ADCY2: variants seen among roughly 807,000 people sequenced by gnomAD.
The protein encoded by ADCY2 is adenylate cyclase 2.
Under a neutral mutation model 125.2 loss-of-function variants are expected in ADCY2, and 31 were observed. The observed-to-expected ratio is 0.25, with a 90% CI of 0.19 to 0.33. The LOEUF (loss-of-function observed/expected upper bound fraction) is 0.33. Ranked by LOEUF, ADCY2 falls within the 10% of genes least tolerant of loss-of-function variation. The probability of loss-of-function intolerance (pLI) is 1.00; values close to 1 mark genes in which losing one functional copy is unlikely to be tolerated. For missense variants in ADCY2, 904 were observed against 1,418.2 expected (o/e 0.64, Z 5.82); for synonymous variants, 512 against 548.4 (o/e 0.93, Z 0.93).
At chr5:7,464,979 T>C (rs1010606165) in intron 2 of ADCY2, among the ~76,000 whole-genome samples, 7 of 152,124 alleles carry the variant, frequency 4.6e-5, no homozygotes, top group Non-Finnish European at 1.0e-4. Context: ...GCAAAAGGCA[T>C]GTCTTACATG....
At position 7,651,452 on chromosome 5, in the gene ADCY2, G is replaced by A. The variant is rs571619091; in HGVS notation, c.720+25136G>A. ...AGGGAGGCCAACTGTGCAGCCTTCA[G>A]TCTGTGGTTGAAAGTCCAAGAGAAC... On this transcript the variant is annotated intron_variant, in intron 4 of 24. Transcript: ENST00000338316. Among the ~76,000 whole-genome samples, 37 of 152,308 alleles carry A rather than the reference G, an allele frequency of 2.4e-4. 2 individuals are homozygous for A. In the South Asian group the frequency reaches 7.5e-3, roughly 31 times the overall value.
At chr5:7,657,424 A>G (rs2914296) in intron 4 of ADCY2, among the ~76,000 whole-genome samples, 21,533 of 152,154 alleles carry the variant, frequency 0.14, 2,006 homozygotes, top group East Asian at 0.44. Flanking sequence ...AAACATGGGA[A>G]TAAATATGTG....
intron 2 of ADCY2, among the ~76,000 whole-genome samples, chr5:7,448,035 G>A (rs985051438): frequency 1.3e-5 from 2 of 152,216 alleles, no homozygotes; most frequent in African/African-American, 2.4e-5. Context: ...AAATATCTTG[G>A]CACAAGCACC....
intron 2 of ADCY2, among the ~76,000 whole-genome samples, chr5:7,499,681 A>G (rs528817821): frequency 4.8e-5 from 6 of 124,086 alleles, no homozygotes; most frequent in East Asian, 4.8e-4. Context: ...ATATATATAT[A>G]TGTATATATA....
At chr5:7,726,294 C>T (rs1330210488) in intron 13 of ADCY2, among the ~76,000 whole-genome samples, 1 of 152,140 alleles carries the variant, frequency 6.6e-6, no homozygotes, top group African/African-American at 2.4e-5. Context: ...GGTGAAGGTC[C>T]TGGTTTCCCA....
At position 7,743,701 on chromosome 5, in the gene ADCY2, G is replaced by C; in HGVS notation, c.1905G>C (p.Ala635=). The C allele has an allele frequency of 6.2e-7, 1 of 1,614,074 alleles. No individual in the cohort carries two copies. The highest frequency in any genetic ancestry group is 1.1e-5 in the South Asian group (1 of 91,072). The change falls in exon 15 of 25, where the codon GCG becomes GCC. Residue 635 remains alanine, a synonymous_variant. Transcript: ENST00000338316. ...TCCTGGGCATCTCCTTTGGGGCTGC[G>C]TTTCTCTTGCTGGCCTTCATCCTCT... ...TSVLGISFGA[A]FLLLAFILFV...
chr5:7,734,347 G>A (rs139467183), intron 14 of ADCY2, among the ~76,000 whole-genome samples: 402 of 152,236 alleles, frequency 2.6e-3, no homozygotes, highest in African/African-American at 9.4e-3. Flanking sequence ...CAATAAATGT[G>A]TTTCTCACCC....
At chr5:7,661,053 G>GT (rs200334543) in intron 4 of ADCY2, among the ~76,000 whole-genome samples, 2,062 of 151,752 alleles carry the variant, frequency 0.014, 21 homozygotes, top group Middle Eastern at 0.055. Context: ...TATTTGTAAA[G>GT]TTTTTTTTTA....
At position 7,828,336 on chromosome 5, in the gene ADCY2, G is replaced by A. The variant is rs923733116; in HGVS notation, c.*1465G>A. 1 of 152,454 alleles carries A rather than the reference G, an allele frequency of 6.6e-6. No individual in the cohort carries two copies. Among genetic ancestry groups the A allele is most frequent in the Non-Finnish European group, 1.5e-5 (1 of 68,042 alleles). 9.4% of individuals were successfully genotyped at this position (152,454 alleles called of 1,614,324 possible). A position where few individuals can be genotyped will look rare whatever the true frequency, so the allele number is the denominator to read the frequency against. On this transcript the variant is annotated 3_prime_UTR_variant, in exon 25 of 25. Transcript: ENST00000338316. ...GCACAAGTTCCTGGTTTGAATCCTGGCTCTGATTTTTTACTGGCTGTGTGA... is the reference window on the plus strand; with the variant it reads ...GCACAAGTTCCTGGTTTGAATCCTGACTCTGATTTTTTACTGGCTGTGTGA...
intron 2 of ADCY2, among the ~76,000 whole-genome samples, chr5:7,511,427 T>A (rs1476620717): frequency 1.3e-5 from 2 of 151,648 alleles, no homozygotes; most frequent in Non-Finnish European, 2.9e-5. Context: ...TACAAAAAAT[T>A]AGCCGGGTGT....
At chr5:7,703,890 G>A (rs1741173219) in intron 7 of ADCY2, among the ~76,000 whole-genome samples, 2 of 151,782 alleles carry the variant, frequency 1.3e-5, no homozygotes, top group Admixed American at 1.3e-4. Flanking sequence ...TGTAACTTTA[G>A]CTACTGGAGG....
chr5:7,675,027 C>T (rs1156520605), intron 4 of ADCY2, among the ~76,000 whole-genome samples: 1 of 151,904 alleles, frequency 6.6e-6, no homozygotes, highest in Non-Finnish European at 1.5e-5. Context: ...TGGTGGCGGG[C>T]ACCTGTAGTC....
At chr5:7,639,738 G>A (rs560888583) in intron 4 of ADCY2, among the ~76,000 whole-genome samples, 3 of 152,058 alleles carry the variant, frequency 2.0e-5, no homozygotes, top group African/African-American at 2.4e-5. Context: ...TTATATCATC[G>A]TTCACAAAAG....
At chr5:7,791,442 G>T (rs1470448772) in intron 20 of ADCY2, among the ~76,000 whole-genome samples, 1 of 152,144 alleles carries the variant, frequency 6.6e-6, no homozygotes, top group Non-Finnish European at 1.5e-5. Flanking sequence ...TTTGAAGTTG[G>T]CATTAAGAAG....
chr5:7,520,743 G>A lies in ADCY2; in HGVS notation c.414G>A (p.Ser138=), dbSNP rs139006667. 133 of 1,613,926 alleles carry A rather than the reference G, an allele frequency of 8.2e-5. No homozygotes were observed. The Middle Eastern group carries it at 1.2e-3, about 14-fold the overall frequency. Residue 138 remains serine (S), a synonymous_variant, in exon 3 of 25, where the codon TCG becomes TCA. Transcript: ENST00000338316. ...GGTVSPWDQV[S]FFLFIIFVVY... ...TTCTTCTTCTCTGCCCGTAGGTATCGTTCTTCCTCTTCATCATCTTCGTGG... is the reference window on the plus strand; with the variant it reads ...TTCTTCTTCTCTGCCCGTAGGTATCATTCTTCCTCTTCATCATCTTCGTGG...
intron 22 of ADCY2, among the ~76,000 whole-genome samples, chr5:7,816,521 A>G (rs537069650): frequency 3.9e-5 from 6 of 152,320 alleles, no homozygotes; most frequent in African/African-American, 1.4e-4. Flanking sequence ...GTGGAGGGGA[A>G]AGGAGGGAAG....
intron 3 of ADCY2, among the ~76,000 whole-genome samples, chr5:7,551,486 C>A (rs567442165): frequency 6.6e-6 from 1 of 152,310 alleles, no homozygotes; most frequent in South Asian, 2.1e-4. Flanking sequence ...TCAGTAGACA[C>A]AGGCTTCCAT....
intron 3 of ADCY2, among the ~76,000 whole-genome samples, chr5:7,616,772 T>C (rs1263317110): frequency 6.6e-6 from 1 of 152,202 alleles, no homozygotes; most frequent in Non-Finnish European, 1.5e-5. Flanking sequence ...AATTCCTATG[T>C]TGAAGGCTAA....
chr5:7,578,229 T>C (rs4541631), intron 3 of ADCY2, among the ~76,000 whole-genome samples: 87,890 of 152,084 alleles, frequency 0.58, 27,027 homozygotes, highest in Non-Finnish European at 0.69. Flanking sequence ...CTTCTTGGCA[T>C]GTAATGTCTG....
Sources: gnomAD v4.1 joint callset for allele counts (sites outside exome capture counted in the v4.1 genomes callset) on GRCh38, gnomAD v4.1.1 for gene constraint, MANE v1.5 for transcripts, NCBI Gene and HGNC (gene_info 2026-07-23, HGNC 2026-07-21) for gene names.